GTF3C3: variants seen among roughly 807,000 people sequenced by gnomAD.
The protein encoded by GTF3C3 is general transcription factor IIIC subunit 3.
A neutral mutation model predicts 105.2 loss-of-function variants in GTF3C3; 75 were observed. That is an observed-to-expected ratio of 0.71 (90% CI 0.59 to 0.86). The LOEUF is 0.86. GTF3C3 is among the 40% of genes least tolerant of loss of function. The probability of loss-of-function intolerance (pLI) is 0.00; values close to 1 mark genes in which losing one functional copy is unlikely to be tolerated. For missense variants in GTF3C3, 856 were observed against 1,076.5 expected (o/e 0.80, Z 2.87); for synonymous variants, 335 against 370.4 (o/e 0.90, Z 1.10).
chr2:196,792,441 A>G (rs900210626), intron 3 of GTF3C3, among the ~76,000 whole-genome samples: 2 of 152,160 alleles, frequency 1.3e-5, no homozygotes, highest in African/African-American at 4.8e-5. Flanking sequence ...CATTACAGAC[A>G]TGAGCCACTG....
chr2:196,772,863 C>T (rs1291863767), intron 14 of GTF3C3, 53 bp downstream of exon 14: 1 of 897,898 alleles, frequency 1.1e-6, no homozygotes, highest in African/African-American at 1.7e-5. Context: ...AATCAAAGTA[C>T]ATGTACTTAC....
At chr2:196,784,714 GA>G (rs1221981696) in intron 8 of GTF3C3, 142 bp downstream of exon 8, 17 of 1,081,276 alleles carry the variant, frequency 1.6e-5, no homozygotes, top group Non-Finnish European at 1.8e-5. Context: ...AAATCTCTGA[GA>G]AAAAAATGCT....
chr2:196,789,659 G>A (rs1368950134), intron 5 of GTF3C3, among the ~76,000 whole-genome samples: 1 of 152,152 alleles, frequency 6.6e-6, no homozygotes, highest in Non-Finnish European at 1.5e-5. Context: ...TGAAGGTACT[G>A]TTCATCTACC....
rs760563369 is a variant in GTF3C3 at position 196,789,961 on chromosome 2, A to G, written c.645T>C (p.Ser215=). The G allele has an allele frequency of 6.2e-7, 1 of 1,613,534 alleles. No homozygotes were observed. The highest frequency in any genetic ancestry group is 8.5e-7 in the Non-Finnish European group (1 of 1,179,548). Residue 215 remains serine, a synonymous_variant, in exon 5 of 18, where the codon AGT becomes AGC. Transcript: ENST00000263956. ...CCAGTCTAACCCATTCTTCTGTGTC[A>G]CTGGGATTTAAATGCGCAGCAATCA... The part of the protein sequence containing the change: ...FELIAAHLNP[S]DTEEWVRLAE...
intron 5 of GTF3C3, 52 bp from the exon 6 acceptor site, chr2:196,789,421 C>G (rs1227296374): frequency 7.8e-7 from 1 of 1,279,436 alleles, no homozygotes; most frequent in African/African-American, 1.5e-5. Flanking sequence ...TGCATGGTAC[C>G]TGGGTGTGAT....
intron 2 of GTF3C3, among the ~76,000 whole-genome samples, chr2:196,794,255 A>G (rs896668133): frequency 1.3e-4 from 20 of 152,136 alleles, no homozygotes; most frequent in Non-Finnish European, 1.3e-4. Context: ...CTCCCTAACT[A>G]TAAGAAATAA....
rs745345701 is a variant in GTF3C3, at chr2:196,771,888, T to C, written c.2120A>G (p.Asn707Ser). The change falls in exon 15 of 18, where the codon AAT becomes AGT. Residue 707 changes from asparagine to serine, a missense_variant. Asn to Ser is a conservative substitution (Grantham distance 46). Coordinates refer to ENST00000263956, the MANE Select transcript of GTF3C3 (RefSeq NM_012086.5). ...ATCTTGGGAGTGCATGGTAACTTGA[T>C]TGAAAATGTTCCAGAGCTGGGGTTT... ...VNKPQLWNIF[N>S]QVTMHSQDVR... 5.6e-6 allele frequency: 9 copies of C among 1,613,588 alleles called. No homozygotes were observed. The highest frequency in any genetic ancestry group is 2.2e-5 in the South Asian group (2 of 91,080).
At chr2:196,781,496 ATAT>A (rs1054628072) in intron 8 of GTF3C3, among the ~76,000 whole-genome samples, 1 of 150,060 alleles carries the variant, frequency 6.7e-6, no homozygotes, top group Non-Finnish European at 1.5e-5. Context: ...TTTACCATTA[ATAT>A]TATAAGTAAT....
At chr2:196,798,498 TG>T (rs1699687120) in intron 1 of GTF3C3, among the ~76,000 whole-genome samples, 1 of 151,928 alleles carries the variant, frequency 6.6e-6, no homozygotes, top group Non-Finnish European at 1.5e-5. Context: ...CACTCCAGCA[TG>T]GGTGACAGAG....
chr2:196,778,752 G>T, intron 10 of GTF3C3, 144 bp downstream of exon 10: 2 of 691,392 alleles, frequency 2.9e-6, no homozygotes, highest in Non-Finnish European at 2.5e-6. Flanking sequence ...TAGTAGCCTA[G>T]CAAGACAATT....
Position 196,780,641 on chromosome 2 carries a change from G to A in GTF3C3, c.1136C>T (p.Thr379Ile), listed in dbSNP as rs145065631. 15 of 1,612,506 alleles carry A rather than the reference G, an allele frequency of 9.3e-6. No homozygotes were observed. In the African/African-American group the frequency reaches 1.9e-4, roughly 20 times the overall value. ...ATCTATTGGCACGCCATCAGGTATA[G>A]TGCAGGTAACATTCTCAGGAGCTGG... is the stretch of plus-strand genomic sequence containing the variant. ...ENKAPENVTC[T>I]IPDGVPIDIT... The change falls in exon 9 of 18, where the codon ACT becomes ATT. Residue 379 changes from threonine (T) to isoleucine (I), a missense_variant. Thr to Ile is a moderately conservative substitution (Grantham distance 89). This residue lies in a region of GTF3C3 where 605 missense variants were observed against 833.6 expected (regional missense o/e 0.73). Coordinates refer to ENST00000263956, the MANE Select transcript of GTF3C3 (RefSeq NM_012086.5).
chr2:196,776,516 G>A lies in GTF3C3; in HGVS notation c.1504C>T (p.Gln502Ter). The A allele has an allele frequency of 6.2e-7, 1 of 1,614,146 alleles. No individual in the cohort carries two copies. Among genetic ancestry groups the A allele is most frequent in the Non-Finnish European group, 8.5e-7 (1 of 1,180,002 alleles). ...ARISLSTLQQ[Q>*]LGQPEKALEA... ...AGAGCTTTCTCAGGCTGGCCCAGCT[G>A]CTGCTGAAGGGTAGAAAGTGAAATC... The change falls in exon 11 of 18, where the codon CAG becomes TAG. Residue 502 changes from glutamine (Q) to a stop codon, truncating the protein, a stop_gained. Transcript: ENST00000263956. LOFTEE classifies it high-confidence loss of function. This position sits in a 1 kb window ranked among gnomAD's most constrained non-coding sequence, Gnocchi z 4.5.
chr2:196,768,145 G>A (rs1173785089), intron 16 of GTF3C3, among the ~76,000 whole-genome samples: 1 of 152,064 alleles, frequency 6.6e-6, no homozygotes, highest in African/African-American at 2.4e-5. Context: ...AGCCTCCCGA[G>A]TAGCTGGGAT....
Position 196,763,198 on chromosome 2 carries a change from A to T in GTF3C3, c.*1365T>A, listed in dbSNP as rs551341028. On this transcript the variant is annotated 3_prime_UTR_variant, in exon 18 of 18. Transcript: ENST00000263956. ...AGTAAAAACTCAGCAAATGGAAGCT[A>T]TGATTTTAAAAGCTAAACAAAACTA... 16 of 152,360 alleles carry T rather than the reference A, an allele frequency of 1.1e-4. 2 individuals are homozygous for T. In the South Asian group the frequency reaches 3.3e-3, roughly 32 times the overall value. The allele number at this position is 152,360 out of a possible 1,614,324, so 9.4% of individuals were successfully genotyped here.
At position 196,764,410 on chromosome 2, in the gene GTF3C3, G is replaced by A; in HGVS notation, c.*153C>T. ...GAATAATTTTGCATATATACCACAA[G>A]ATCATTATCACATATTAAAAATAAA... On this transcript the variant is annotated 3_prime_UTR_variant, in exon 18 of 18. Transcript: ENST00000263956. The A allele has an allele frequency of 1.5e-6, 1 of 680,934 alleles. No homozygotes were observed. Among genetic ancestry groups the A allele is most frequent in the East Asian group, 2.8e-5 (1 of 35,782 alleles). 42.2% of individuals were successfully genotyped at this position (680,934 alleles called of 1,614,324 possible).
intron 9 of GTF3C3, 61 bp downstream of exon 9, chr2:196,780,498 C>G (rs745478290): frequency 1.9e-6 from 3 of 1,546,260 alleles, no homozygotes; most frequent in African/African-American, 1.4e-5. Flanking sequence ...TTCTTGACAT[C>G]TAAAGAAAAG....
intron 13 of GTF3C3, chr2:196,773,817 A>G (rs1699218570): frequency 8.3e-6 from 2 of 240,286 alleles, no homozygotes; most frequent in Non-Finnish European, 1.7e-5. Context: ...GCAGTTTACA[A>G]TAGGGTTTGC....
intron 8 of GTF3C3, among the ~76,000 whole-genome samples, chr2:196,781,351 A>ATATAT (rs1417892028): frequency 2.4e-4 from 5 of 20,538 alleles, no homozygotes; most frequent in Admixed American, 2.0e-3. Flanking sequence ...GGAAAAAAAA[A>ATATAT]AAAAAAATAT....
intron 8 of GTF3C3, chr2:196,780,955 C>CT (rs1456745911): frequency 7.2e-5 from 15 of 207,046 alleles, no homozygotes; most frequent in East Asian, 1.0e-4. Flanking sequence ...AACCCTCTCT[C>CT]TTTTTTTTCT....
Sources: allele counts gnomAD v4.1 joint callset (sites outside exome capture counted in the v4.1 genomes callset), GRCh38; gene constraint gnomAD v4.1.1; regional missense constraint gnomAD v4.1.1; non-coding constraint Gnocchi (gnomAD v3.1); transcripts MANE v1.5; gene names NCBI Gene and HGNC (gene_info 2026-07-23, HGNC 2026-07-21).